The following USH2A variants were observed in gnomAD, a reference collection of about 807,000 sequenced individuals.
USH2A encodes Usher syndrome 2A (autosomal recessive, mild).
In USH2A, 443 loss-of-function variants were observed where a neutral mutation model predicts 538.9. The observed-to-expected ratio is 0.82, with a 90% CI of 0.76 to 0.89. The LOEUF (loss-of-function observed/expected upper bound fraction) is 0.89, where lower values mean the gene tolerates loss of function less well. Ranked by LOEUF, USH2A falls within the 40% of genes least tolerant of loss-of-function variation. The pLI is 0.00. For missense variants in USH2A, 6,633 were observed against 6,324.8 expected, an observed-to-expected ratio of 1.05 and a Z score of -1.65; for synonymous variants, 2,413 against 2,273.5, an observed-to-expected ratio of 1.06 and a Z score of -1.75.
At chr1:216,271,892 T>C (rs929413800) in intron 11 of USH2A, among the ~76,000 whole-genome samples, 4 of 152,154 alleles carry the variant, frequency 2.6e-5, no homozygotes, top group African/African-American at 9.7e-5. Context: ...CCCTATTATA[T>C]ATTGCAGGAT....
chr1:216,077,020 G>A lies in USH2A; in HGVS notation c.5572+1069C>T, dbSNP rs147483476. ...TAACAGGCTGCCTGAGAGACTTAGT[G>A]TCTTGCTATCTGCTTACTAGCCATG... On this transcript the variant is annotated intron_variant, in intron 27 of 71. Transcript: ENST00000307340. Among the ~76,000 whole-genome samples, 562 of 152,220 alleles carry A rather than the reference G, an allele frequency of 3.7e-3. 1 individual carries two copies. The highest frequency in any genetic ancestry group is 0.014 in the South Asian group (67 of 4,818).
chr1:216,353,145 T>A (rs1463237089), intron 4 of USH2A, among the ~76,000 whole-genome samples: 1 of 151,840 alleles, frequency 6.6e-6, no homozygotes. Flanking sequence ...GAAACTTAAG[T>A]TGAGTAAGGA....
intron 9 of USH2A, among the ~76,000 whole-genome samples, chr1:216,297,484 G>A (rs1343951526): frequency 1.3e-5 from 2 of 151,878 alleles, no homozygotes; most frequent in African/African-American, 2.4e-5. Flanking sequence ...TATAAATAAT[G>A]CCCAAAACAA....
At chr1:216,187,276 T>C (rs2034627981) in intron 20 of USH2A, among the ~76,000 whole-genome samples, 1 of 151,902 alleles carries the variant, frequency 6.6e-6, no homozygotes, top group Admixed American at 6.6e-5. Flanking sequence ...CTGTTGGATC[T>C]CAACTCCTTA....
intron 3 of USH2A, among the ~76,000 whole-genome samples, chr1:216,399,980 T>A (rs1335366398): frequency 1.3e-5 from 2 of 152,064 alleles, no homozygotes; most frequent in African/African-American, 4.8e-5. Context: ...AGTCTCATAC[T>A]ACGATACCCA....
intron 14 of USH2A, among the ~76,000 whole-genome samples, chr1:216,227,665 G>C (rs1470056174): frequency 4.6e-5 from 7 of 152,126 alleles, no homozygotes. Context: ...GTGTGACAAT[G>C]TAGACAAGCT....
intron 50 of USH2A, among the ~76,000 whole-genome samples, chr1:215,791,284 T>C (rs927341891): frequency 6.6e-6 from 1 of 152,256 alleles, no homozygotes. Context: ...TTTATTTTAA[T>C]TGGAATTTTG....
chr1:216,196,344 C>A (rs373712706), intron 19 of USH2A, among the ~76,000 whole-genome samples: 17 of 151,960 alleles, frequency 1.1e-4, no homozygotes, highest in African/African-American at 3.9e-4. Flanking sequence ...ATAAATTATA[C>A]CAACTTAGTT....
rs75397806 is a variant in USH2A at position 215,782,771 on chromosome 1, C to T, written c.10552G>A (p.Val3518Ile). 1,855 of 1,613,870 alleles carry T rather than the reference C, an allele frequency of 1.1e-3. 23 individuals carry two copies. In the African/African-American group the frequency reaches 0.022, roughly 19 times the overall value. The part of the protein sequence containing the change: ...TKIDNLEDTI[V>I]LNWRKPIQSN... ...TGTATAGGTTTTCTCCAGTTTAAGA[C>T]AATTGTATCTTCAAGATTGTCTATT... Residue 3518 changes from valine (V) to isoleucine (I), a missense_variant, in exon 53 of 72, where the codon GTC becomes ATC. Physicochemically the swap from Val to Ile is conservative, Grantham distance 29 (BLOSUM62 3). Coordinates refer to ENST00000307340, the MANE Select transcript of USH2A (RefSeq NM_206933.4).
chr1:216,387,113 CT>C (rs2039021628), intron 3 of USH2A, among the ~76,000 whole-genome samples: 1 of 152,124 alleles, frequency 6.6e-6, no homozygotes, highest in African/African-American at 2.4e-5. Flanking sequence ...AATGTGTGAA[CT>C]TTATACATCT....
intron 60 of USH2A, among the ~76,000 whole-genome samples, chr1:215,734,107 A>C (rs1379993456): frequency 1.3e-5 from 2 of 152,100 alleles, no homozygotes; most frequent in African/African-American, 4.8e-5. Context: ...AGGCTTTCTC[A>C]TACATTCTCT....
intron 49 of USH2A, 32 bp downstream of exon 49, chr1:215,813,704 A>G: frequency 6.2e-7 from 1 of 1,613,468 alleles, no homozygotes; most frequent in Non-Finnish European, 8.5e-7. Context: ...AGGTTCCCAT[A>G]GTTTTTGAGT....
At chr1:215,664,774 C>T (rs1392154118) in intron 64 of USH2A, among the ~76,000 whole-genome samples, 6 of 152,066 alleles carry the variant, frequency 3.9e-5, no homozygotes. Flanking sequence ...GTTCTTCTAC[C>T]TGGTATATGT....
intron 4 of USH2A, among the ~76,000 whole-genome samples, chr1:216,327,932 C>G (rs921858453): frequency 3.9e-5 from 6 of 152,094 alleles, no homozygotes; most frequent in Non-Finnish European, 7.4e-5. Context: ...CCAGAAGTCC[C>G]TTCCCAAGTC....
chr1:215,690,461 C>G (rs1297790346), intron 61 of USH2A, among the ~76,000 whole-genome samples: 1 of 152,178 alleles, frequency 6.6e-6, no homozygotes, highest in East Asian at 1.9e-4. Flanking sequence ...GTGATGCAAA[C>G]CTGCAGTCCC....
chr1:215,953,196 C>T (rs75844887), intron 37 of USH2A, among the ~76,000 whole-genome samples: 2 of 152,010 alleles, frequency 1.3e-5, no homozygotes, highest in East Asian at 1.9e-4. Context: ...ACTTTCTTCA[C>T]AGAATTGGAA....
rs1201800056 is a variant in USH2A, at chr1:215,675,589, G to A, written c.12322C>T (p.Leu4108=). The A allele has an allele frequency of 1.2e-6, 2 of 1,614,112 alleles. No homozygotes were observed. Among genetic ancestry groups the A allele is most frequent in the Admixed American group, 3.3e-5 (2 of 60,004 alleles). ...KTYNIFSDGF[L]EYSGLNRQFL... is the part of the protein sequence containing the mutation. The stretch of plus-strand genomic sequence containing the variant: ...TGACGATTCAAACCAGAGTACTCCA[G>A]GAACCCGTCACTGAAGATGTTGTAT... Residue 4108 remains leucine (L), a synonymous_variant, in exon 63 of 72, where the codon CTG becomes TTG. Coordinates refer to ENST00000307340, the MANE Select transcript of USH2A (RefSeq NM_206933.4).
At chr1:215,952,013 C>T (rs7546965) in intron 37 of USH2A, among the ~76,000 whole-genome samples, 60,558 of 150,180 alleles carry the variant, frequency 0.4, 12,567 homozygotes, top group East Asian at 0.68. Context: ...TACAGGCGCC[C>T]GCCACCGCGC....
At chr1:216,244,931 A>C (rs1448250841) in intron 13 of USH2A, among the ~76,000 whole-genome samples, 1 of 152,180 alleles carries the variant, frequency 6.6e-6, no homozygotes, top group Admixed American at 6.6e-5. Flanking sequence ...AAAGGATATA[A>C]CATTTGATCT....
Sources: gnomAD v4.1 joint callset for allele counts (sites outside exome capture counted in the v4.1 genomes callset) on GRCh38, gnomAD v4.1.1 for gene constraint, MANE v1.5 for transcripts, NCBI Gene and HGNC (gene_info 2026-07-23, HGNC 2026-07-21) for gene names.